TRHDE: variants seen among roughly 807,000 people sequenced by gnomAD.
The protein encoded by TRHDE is thyrotropin-releasing hormone-degrading ectoenzyme.
TRHDE carries 72 observed loss-of-function variants against 125.7 expected under a neutral mutation model. The observed-to-expected ratio is 0.57, with a 90% CI of 0.47 to 0.70. The LOEUF is 0.70. TRHDE is among the 30% of genes least tolerant of loss of function. TRHDE has a pLI of 0.00. For synonymous variants in TRHDE, 509 were observed against 509.1 expected, an observed-to-expected ratio of 1.00 and a Z score of 0.00; for missense variants, 1,110 against 1,327.1, an observed-to-expected ratio of 0.84 and a Z score of 2.54.
At chr12:72,512,396 A>G (rs1200634837) in intron 6 of TRHDE, among the ~76,000 whole-genome samples, 3 of 140,126 alleles carry the variant, frequency 2.1e-5, no homozygotes, top group Non-Finnish European at 4.6e-5. Flanking sequence ...ATATATAATT[A>G]TTATTATATA....
chr12:72,384,421 G>T (rs889157713), intron 3 of TRHDE, among the ~76,000 whole-genome samples: 4 of 151,944 alleles, frequency 2.6e-5, no homozygotes, highest in African/African-American at 7.3e-5. Context: ...TTAGAGACTC[G>T]CACAATATGG....
chr12:72,348,712 T>C (rs1870445435), intron 2 of TRHDE, among the ~76,000 whole-genome samples: 1 of 152,052 alleles, frequency 6.6e-6, no homozygotes, highest in Non-Finnish European at 1.5e-5. Context: ...AAAAAATGCA[T>C]TTAAGTGTGC....
At chr12:72,575,756 G>A (rs1330656196) in intron 12 of TRHDE, among the ~76,000 whole-genome samples, 3 of 152,044 alleles carry the variant, frequency 2.0e-5, no homozygotes, top group Non-Finnish European at 4.4e-5. Context: ...TAAGCTTGAT[G>A]AATTTCACCA....
chr12:72,415,651 C>T (rs1292690245), intron 3 of TRHDE, among the ~76,000 whole-genome samples: 4 of 151,756 alleles, frequency 2.6e-5, no homozygotes, highest in African/African-American at 9.7e-5. Flanking sequence ...ATTTGTCTTC[C>T]TGTGCCTGAC....
intron 6 of TRHDE, among the ~76,000 whole-genome samples, chr12:72,515,924 T>C (rs1486672058): frequency 1.5e-5 from 2 of 135,736 alleles, no homozygotes; most frequent in Non-Finnish European, 3.0e-5. Context: ...CTTGTTTTTC[T>C]CAGGTTTGTC....
At chr12:72,232,153 G>C (rs964381470) in intron 2 of TRHDE, among the ~76,000 whole-genome samples, 1 of 152,142 alleles carries the variant, frequency 6.6e-6, no homozygotes, top group Non-Finnish European at 1.5e-5. Context: ...GGCCATGCAG[G>C]GCAACATGGG....
rs148408396 is a variant in TRHDE at position 72,313,222 on chromosome 12, T to A, written c.1188+26268T>A. 4.1e-3 allele frequency among the ~76,000 whole-genome samples: 631 copies of A among 152,154 alleles called. 4 individuals are homozygous for A. Among genetic ancestry groups the A allele is most frequent in the African/African-American group, 0.014 (602 of 41,574 alleles). On this transcript the variant is annotated intron_variant, in intron 2 of 18. Coordinates refer to ENST00000261180, the MANE Select transcript of TRHDE (RefSeq NM_013381.3). ...GCGTATTGATGGATTTTTTAAAAAATTTCAGACTTTATTGGCATTGTAGAA... is the reference window on the plus strand; with the variant it reads ...GCGTATTGATGGATTTTTTAAAAAAATTCAGACTTTATTGGCATTGTAGAA...
intron 3 of TRHDE, among the ~76,000 whole-genome samples, chr12:72,458,274 G>A (rs183117349): frequency 5.3e-5 from 8 of 152,252 alleles, no homozygotes; most frequent in Admixed American, 5.2e-4. Flanking sequence ...TATTGCCGGT[G>A]TTTTATAAAT....
At chr12:72,580,720 C>T (rs992213856) in intron 12 of TRHDE, among the ~76,000 whole-genome samples, 20 of 152,174 alleles carry the variant, frequency 1.3e-4, no homozygotes, top group Non-Finnish European at 2.2e-4. Context: ...GGATTACAGG[C>T]GTGAGCCACA....
intron 2 of TRHDE, among the ~76,000 whole-genome samples, chr12:72,287,172 C>T (rs569513463): frequency 3.5e-4 from 53 of 152,160 alleles, no homozygotes; most frequent in Non-Finnish European, 6.8e-4. Flanking sequence ...CCCTTAACCA[C>T]CTCCACCTCC....
chr12:72,238,536 T>C (rs1878409755), intron 2 of TRHDE, among the ~76,000 whole-genome samples: 2 of 150,810 alleles, frequency 1.3e-5, no homozygotes, highest in African/African-American at 4.9e-5. Context: ...ATGCTATCCC[T>C]CCCCTAGCCC....
intron 3 of TRHDE, among the ~76,000 whole-genome samples, chr12:72,459,865 G>A (rs1368502062): frequency 6.6e-6 from 1 of 152,086 alleles, no homozygotes; most frequent in African/African-American, 2.4e-5. Flanking sequence ...TGATCCTGTT[G>A]CCTCGGCTTC....
intron 10 of TRHDE, among the ~76,000 whole-genome samples, chr12:72,573,674 A>G (rs1870851976): frequency 1.3e-5 from 2 of 152,010 alleles, no homozygotes; most frequent in East Asian, 1.9e-4. Flanking sequence ...ATAAAAGAAT[A>G]TAGTACTCTA....
intron 3 of TRHDE, among the ~76,000 whole-genome samples, chr12:72,449,134 T>C (rs1386072454): frequency 6.6e-6 from 1 of 152,080 alleles, no homozygotes; most frequent in East Asian, 1.9e-4. Flanking sequence ...AGAGCACATT[T>C]TGATGTTTTT....
At position 72,584,017 on chromosome 12, in the gene TRHDE, G is replaced by A. The variant is rs574069669; in HGVS notation, c.2321+8475G>A. On this transcript the variant is annotated intron_variant, in intron 12 of 18. Coordinates refer to ENST00000261180, the MANE Select transcript of TRHDE (RefSeq NM_013381.3). ...GCAATCTCGGCTCACTGCAGGCTCC[G>A]CCCCCTGGGGTTCACGCCATTCTCC... Among the ~76,000 whole-genome samples, 4 of 83,612 alleles carry A rather than the reference G, an allele frequency of 4.8e-5. 1 individual carries two copies. The highest frequency in any genetic ancestry group is 3.2e-4 in the South Asian group (1 of 3,100). 54.9% of individuals were successfully genotyped at this position (83,612 alleles called of 152,430 possible). A position where few individuals can be genotyped will look rare whatever the true frequency, so the allele number is the denominator to read the frequency against.
chr12:72,208,575 A>G (rs1228458551), intron 2 of TRHDE, among the ~76,000 whole-genome samples: 1 of 152,188 alleles, frequency 6.6e-6, no homozygotes, highest in Non-Finnish European at 1.5e-5. Context: ...TAGCTCTACT[A>G]CTTATATGAT....
rs144044329 is a variant in TRHDE at position 72,160,621 on chromosome 12, G to A, written n.279+54869G>A. Among the ~76,000 whole-genome samples the A allele has an allele frequency of 5.1e-4, 78 of 152,132 alleles. 1 individual carries two copies. In the East Asian group the frequency reaches 0.014, roughly 28 times the overall value. On this transcript the variant is annotated intron_variant and non_coding_transcript_variant, in intron 2 of 4. Coordinates refer to the TRHDE transcript ENST00000548156. Reference sequence around the variant, plus strand: ...GGAAAATCGCTTGAACCTGGGAGGCGGAGGTTACAGTGAGCCGAGACTGCG... The same window carrying A: ...GGAAAATCGCTTGAACCTGGGAGGCAGAGGTTACAGTGAGCCGAGACTGCG...
intron 2 of TRHDE, among the ~76,000 whole-genome samples, chr12:72,120,379 G>C (rs1875549586): frequency 6.6e-6 from 1 of 151,824 alleles, no homozygotes; most frequent in Non-Finnish European, 1.5e-5. Context: ...TTGTTTTCTA[G>C]TTGTTTTGTA....
intron 6 of TRHDE, among the ~76,000 whole-genome samples, chr12:72,520,282 C>T (rs1879121535): frequency 6.6e-6 from 1 of 152,184 alleles, no homozygotes; most frequent in Non-Finnish European, 1.5e-5. Context: ...GCTGTGCTAG[C>T]AATCAGCGAG....
Sources: gnomAD v4.1 joint callset for allele counts (sites outside exome capture counted in the v4.1 genomes callset) on GRCh38, gnomAD v4.1.1 for gene constraint, MANE v1.5 for transcripts, NCBI Gene and HGNC (gene_info 2026-07-23, HGNC 2026-07-21) for gene names.